TNKS2: variants seen among roughly 807,000 people sequenced by gnomAD.
TNKS2 encodes the protein poly [ADP-ribose] polymerase tankyrase-2.
TNKS2 carries 72 observed loss-of-function variants against 137.6 expected under a neutral mutation model. The observed-to-expected ratio is 0.52, with a 90% confidence interval of 0.43 to 0.64. The LOEUF (loss-of-function observed/expected upper bound fraction) is 0.64. TNKS2 is among the 30% of genes least tolerant of loss of function. TNKS2 has a pLI of 0.00. For synonymous variants in TNKS2, 516 were observed against 512.1 expected, an observed-to-expected ratio of 1.01 and a Z score of -0.10; for missense variants, 1,049 against 1,410.2, an observed-to-expected ratio of 0.74 and a Z score of 4.10.
In TNKS2 at chr10:91,801,975, G is replaced by C. The variant is rs2133581738; in HGVS notation, c.199+3086G>C. On this transcript the variant is annotated intron_variant, in intron 1 of 26. Coordinates refer to ENST00000371627, the MANE Select transcript of TNKS2 (RefSeq NM_025235.4). ...AGAAGAGGTGACACAAACTTGGGGA[G>C]AAAGTTATCTTGATGCCCATCATAG... 3.3e-5 allele frequency among the ~76,000 whole-genome samples: 5 copies of C among 152,320 alleles called. No individual in the cohort carries two copies. In the East Asian group the frequency reaches 9.6e-4, roughly 29 times the overall value.
intron 1 of TNKS2, 53 bp downstream of exon 1, chr10:91,798,942 G>T: frequency 7.6e-7 from 1 of 1,313,180 alleles, no homozygotes; most frequent in East Asian, 3.1e-5. Context: ...CTGCGCAGCC[G>T]GGGCCCACAG....
At chr10:91,812,933 G>A (rs1844554811) in intron 1 of TNKS2, 50 bp from the exon 2 acceptor site, 1 of 1,594,696 alleles carries the variant, frequency 6.3e-7, no homozygotes. Flanking sequence ...TATCTAATTT[G>A]ATATCTTTTC....
chr10:91,861,956 T>A (rs949934405), intron 25 of TNKS2, 43 bp from the exon 26 acceptor site: 1 of 1,553,022 alleles, frequency 6.4e-7, no homozygotes, highest in African/African-American at 1.4e-5. Flanking sequence ...TATTTATGTA[T>A]CAAATTTGAC....
At chr10:91,805,078 A>C (rs2071636132) in intron 1 of TNKS2, among the ~76,000 whole-genome samples, 2 of 150,790 alleles carry the variant, frequency 1.3e-5, no homozygotes, top group African/African-American at 4.9e-5. Context: ...AGTATCTTCA[A>C]TCTAAAGATT....
rs1163599122 is a variant in TNKS2 at position 91,807,255 on chromosome 10, A to G, written c.200-5728A>G. On this transcript the variant is annotated intron_variant, in intron 1 of 26. Coordinates refer to ENST00000371627, the MANE Select transcript of TNKS2 (RefSeq NM_025235.4). ...CATTAGTTGACTGTGGAATTTCTCA[A>G]TCTTCTTTACATCTTGAGCTTGGTC... The G allele has an allele frequency of 1.5e-5, 24 of 1,609,640 alleles. No individual in the cohort carries two copies. The Admixed American group carries it at 2.0e-4, about 13-fold the overall frequency.
At chr10:91,828,136 G>A (rs1589665722) in intron 8 of TNKS2, 149 bp from the exon 9 acceptor site, 1 of 860,614 alleles carries the variant, frequency 1.2e-6, no homozygotes, top group Non-Finnish European at 1.7e-6. Flanking sequence ...GTTTTCAGGG[G>A]TTAAATTTGG....
intron 21 of TNKS2, 147 bp from the exon 22 acceptor site, chr10:91,854,882 G>C: frequency 5.9e-6 from 3 of 504,404 alleles, no homozygotes; most frequent in Non-Finnish European, 6.9e-6. Context: ...TGGGCAACAA[G>C]AGTGAAACTC....
chr10:91,841,215 G>T, intron 14 of TNKS2, 68 bp from the exon 15 acceptor site: 6 of 1,288,404 alleles, frequency 4.7e-6, no homozygotes, highest in Non-Finnish European at 5.2e-6. Context: ...TCTTTCATCA[G>T]TTATATGTAA....
At chr10:91,862,377 C>T (rs953047652) in intron 26 of TNKS2, among the ~76,000 whole-genome samples, 4 of 152,064 alleles carry the variant, frequency 2.6e-5, no homozygotes, top group Non-Finnish European at 1.5e-5. Flanking sequence ...CTCTTTTTTA[C>T]TCTTACCATT....
rs188250854 is a variant in TNKS2 at position 91,804,687 on chromosome 10, C to T, written c.199+5798C>T. Among the ~76,000 whole-genome samples the T allele has an allele frequency of 3.9e-3, 591 of 152,288 alleles. 6 individuals carry two copies. Among genetic ancestry groups the T allele is most frequent in the African/African-American group, 0.014 (564 of 41,558 alleles). ...TGGTGCTTAACAGAAGTACTTTGAACTATTCTTGAGACCATAACAATAGAG... is the reference window on the plus strand; with the variant it reads ...TGGTGCTTAACAGAAGTACTTTGAATTATTCTTGAGACCATAACAATAGAG... On this transcript the variant is annotated intron_variant, in intron 1 of 26. Transcript: ENST00000371627.
intron 25 of TNKS2, 65 bp from the exon 26 acceptor site, chr10:91,861,934 C>T: frequency 1.4e-6 from 2 of 1,426,618 alleles, no homozygotes; most frequent in Non-Finnish European, 1.9e-6. Flanking sequence ...ATGCCGTGTC[C>T]ACACATTGTC....
In TNKS2 at chr10:91,848,506, G is replaced by A. The variant is rs1269807632; in HGVS notation, c.2482G>A (p.Gly828Ser). Residue 828 changes from glycine to serine, a missense_variant, in exon 19 of 27, where the codon GGT (glycine) becomes AGT (serine). Coordinates refer to ENST00000371627, the MANE Select transcript of TNKS2 (RefSeq NM_025235.4). ...PGATADALSS[G>S]PSSPSSLSAA... ...AGCCACTGCAGATGCTCTCTCTTCAGGTCCATCTAGCCCATCAAGCCTTTC... is the reference window on the plus strand; with the variant it reads ...AGCCACTGCAGATGCTCTCTCTTCAAGTCCATCTAGCCCATCAAGCCTTTC... The A allele has an allele frequency of 1.9e-6, 3 of 1,614,102 alleles. No homozygotes were observed. Among genetic ancestry groups the A allele is most frequent in the Non-Finnish European group, 8.5e-7 (1 of 1,180,028 alleles).
rs950885908 is a variant in TNKS2 at position 91,857,450 on chromosome 10, T to A, written c.3014T>A (p.Leu1005Gln). 6.2e-7 allele frequency: 1 copy of A among 1,609,162 alleles called. No individual in the cohort carries two copies. Among genetic ancestry groups the A allele is most frequent in the Non-Finnish European group, 8.5e-7 (1 of 1,177,076 alleles). Reference protein sequence around the residue: ...LKIQKVCNKKLWERYTHRRKE... With the variant: ...LKIQKVCNKKQWERYTHRRKE... ...ATTCAGAAGGTTTGTAACAAGAAAC[T>A]ATGGGAAAGATACACTCACCGGAGA... Residue 1005 changes from leucine to glutamine, a missense_variant, in exon 24 of 27, where the codon CTA (leucine) becomes CAA (glutamine). Leu to Gln is a moderately radical substitution (Grantham distance 113). Around this residue, in one of 6 missense-constraint regions of TNKS2, gnomAD observed 133 missense variants for 248.4 expected, o/e 0.54. Coordinates refer to ENST00000371627, the MANE Select transcript of TNKS2 (RefSeq NM_025235.4).
chr10:91,859,207 A>G (rs898213787), intron 24 of TNKS2, among the ~76,000 whole-genome samples: 4 of 152,288 alleles, frequency 2.6e-5, no homozygotes, highest in African/African-American at 7.2e-5. Flanking sequence ...TGATATTTCA[A>G]GTACTCTGTT....
At chr10:91,855,760 T>C in intron 23 of TNKS2, 72 bp downstream of exon 23, 1 of 1,124,304 alleles carries the variant, frequency 8.9e-7, no homozygotes, top group Non-Finnish European at 1.3e-6. Context: ...GTAACTTTCA[T>C]AAGAATCTAA....
chr10:91,845,902 A>G lies in TNKS2; in HGVS notation c.2320A>G (p.Lys774Glu). ...AGCCCATGGAGCTGACCCGACTCTT[A>G]AAAATCAGGAAGGACAAACACCTTT... Reference protein sequence around the residue: ...LLAHGADPTLKNQEGQTPLDL... With the variant: ...LLAHGADPTLENQEGQTPLDL... Residue 774 changes from lysine to glutamate, a missense_variant, in exon 18 of 27, where the codon AAA (lysine) becomes GAA (glutamate). By Grantham distance (56) the Lys-to-Glu change is moderately conservative (BLOSUM62 1). Coordinates refer to ENST00000371627, the MANE Select transcript of TNKS2 (RefSeq NM_025235.4). 1 of 1,584,964 alleles carries G rather than the reference A, an allele frequency of 6.3e-7. No homozygotes were observed. Among genetic ancestry groups the G allele is most frequent in the Non-Finnish European group, 8.6e-7 (1 of 1,159,154 alleles).
intron 3 of TNKS2, 50 bp downstream of exon 3, chr10:91,817,279 T>A: frequency 7.1e-7 from 1 of 1,407,938 alleles, no homozygotes; most frequent in Non-Finnish European, 9.8e-7. Flanking sequence ...AGAACAACCT[T>A]GCCAGGTAGG....
intron 1 of TNKS2, chr10:91,807,319 T>C (rs758954988): frequency 3.7e-6 from 6 of 1,614,062 alleles, no homozygotes; most frequent in Non-Finnish European, 4.2e-6. Context: ...TCTGTTACTT[T>C]AACACACAAG....
At chr10:91,831,960 TCTC>T (rs1280552611) in intron 11 of TNKS2, among the ~76,000 whole-genome samples, 1 of 152,154 alleles carries the variant, frequency 6.6e-6, no homozygotes, top group African/African-American at 2.4e-5. Flanking sequence ...TAGACGCTCT[TCTC>T]CTTGGATGGC....
Sources: gnomAD v4.1 joint callset for allele counts (sites outside exome capture counted in the v4.1 genomes callset) on GRCh38, gnomAD v4.1.1 for gene constraint, gnomAD v4.1.1 regional missense constraint, MANE v1.5 for transcripts, NCBI Gene and HGNC (gene_info 2026-07-23, HGNC 2026-07-21) for gene names.